Variants in DMD observed in about 807,000 individuals in gnomAD.
The protein encoded by DMD is dystrophin, also known as mutant dystrophin.
DMD carries 63 observed loss-of-function variants against 330.1 expected under a neutral mutation model. The ratio of observed to expected loss-of-function variants is 0.19; its 90% CI spans 0.16 to 0.24. The LOEUF is 0.24. Among genes scored for constraint, DMD ranks in the 10% least tolerant of loss-of-function variants. The pLI, the probability that DMD is intolerant of heterozygous loss-of-function variation, is 1.00. For missense variants in DMD, 3,344 were observed against 2,684.1 expected, an observed-to-expected ratio of 1.25 and a Z score of -5.43; for synonymous variants, 1,223 against 959.8, an observed-to-expected ratio of 1.27 and a Z score of -5.07.
chrX:32,117,941 G>C (rs2096618023), intron 44 of DMD, among the ~76,000 whole-genome samples: 1 of 110,956 alleles, frequency 9.0e-6, no homozygotes, highest in African/African-American at 3.3e-5. Flanking sequence ...AGGGCATGTG[G>C]AGCAACTGAG....
intron 17 of DMD, among the ~76,000 whole-genome samples, chrX:32,541,878 T>C (rs923249002): frequency 4.5e-5 from 5 of 111,540 alleles, no homozygotes; most frequent in African/African-American, 3.3e-5. Flanking sequence ...ATTTTTTCCA[T>C]ATTTGCTACT....
chrX:32,980,776 C>G (rs2092688659), intron 2 of DMD, among the ~76,000 whole-genome samples: 1 of 111,929 alleles, frequency 8.9e-6, no homozygotes, highest in African/African-American at 3.2e-5. Context: ...GGTTCGTAAT[C>G]AATTAAGCCG....
chrX:31,783,699 A>C (rs896792213), intron 50 of DMD, among the ~76,000 whole-genome samples: 18 of 110,860 alleles, frequency 1.6e-4, no homozygotes, highest in African/African-American at 5.6e-4. Context: ...ATATAGTCTA[A>C]ATATATATAT....
At chrX:32,114,238 A>G (rs2096600871) in intron 44 of DMD, among the ~76,000 whole-genome samples, 1 of 111,724 alleles carries the variant, frequency 9.0e-6, no homozygotes, top group Admixed American at 9.5e-5. Context: ...AACCTTGGGG[A>G]CCACATAATC....
intron 51 of DMD, among the ~76,000 whole-genome samples, chrX:31,736,358 A>G (rs1301552276): frequency 9.0e-6 from 1 of 111,407 alleles, no homozygotes; most frequent in Non-Finnish European, 1.9e-5. Context: ...AACAAAAGTC[A>G]CTATAGGAAA....
At chrX:32,325,644 C>A (rs1290750899) in intron 41 of DMD, among the ~76,000 whole-genome samples, 1 of 111,521 alleles carries the variant, frequency 9.0e-6, no homozygotes, top group African/African-American at 3.3e-5. Flanking sequence ...AGAGTCGTGG[C>A]AAAGACTAGT....
At chrX:33,139,694 T>C (rs772852657) in intron 1 of DMD, among the ~76,000 whole-genome samples, 2 of 109,367 alleles carry the variant, frequency 1.8e-5, no homozygotes, top group Non-Finnish European at 3.8e-5. Flanking sequence ...CCCCCTTCAT[T>C]TCCACCATGA....
In DMD at chrX:33,108,650, C is replaced by T. The variant is rs773589763; in HGVS notation, c.32-88450G>A. On this transcript the variant is annotated intron_variant, in intron 1 of 78. Transcript: ENST00000357033. ...CAGCCCTTTGTGAGGCCCAGGAGGGCGGATTACCTGAGGTCAGGAGTTTGA... is the reference window on the plus strand; with the variant it reads ...CAGCCCTTTGTGAGGCCCAGGAGGGTGGATTACCTGAGGTCAGGAGTTTGA... Among the ~76,000 whole-genome samples, 319 of 103,257 alleles carry T rather than the reference C, an allele frequency of 3.1e-3. 1 individual carries two copies. Among genetic ancestry groups the T allele is most frequent in the African/African-American group, 0.01 (302 of 29,074 alleles). The allele number at this position is 103,257 out of a possible 115,157, so 89.7% of individuals were successfully genotyped here.
At chrX:31,697,055 T>A (rs1023138486) in intron 52 of DMD, among the ~76,000 whole-genome samples, 2 of 112,242 alleles carry the variant, frequency 1.8e-5, no homozygotes, top group African/African-American at 6.5e-5. Context: ...CTGAAGATCA[T>A]CAGAGCGAAG....
intron 60 of DMD, among the ~76,000 whole-genome samples, chrX:31,375,295 C>A (rs192339054): frequency 2.0e-3 from 225 of 112,032 alleles, no homozygotes; most frequent in African/African-American, 6.7e-3. Context: ...ATAATTGCAA[C>A]TGCATGGTGA....
chrX:32,298,320 G>C (rs1046570518), intron 42 of DMD, among the ~76,000 whole-genome samples: 6 of 110,338 alleles, frequency 5.4e-5, no homozygotes, highest in Admixed American at 4.8e-4. Flanking sequence ...CTTAGGATTT[G>C]GTGGCCAATT....
At chrX:32,042,816 T>C (rs929595205) in intron 44 of DMD, among the ~76,000 whole-genome samples, 2 of 111,999 alleles carry the variant, frequency 1.8e-5, no homozygotes, top group Non-Finnish European at 3.8e-5. Context: ...GGATGTGTCA[T>C]AGTACATTCT....
chrX:32,554,694 G>A (rs1046707998), intron 16 of DMD, among the ~76,000 whole-genome samples: 1 of 105,785 alleles, frequency 9.5e-6, no homozygotes, highest in Non-Finnish European at 1.9e-5. Context: ...GCGGTACAAA[G>A]AAGAGCTGGT....
intron 50 of DMD, among the ~76,000 whole-genome samples, chrX:31,796,583 T>A (rs185464771): frequency 8.7e-4 from 98 of 112,361 alleles, no homozygotes; most frequent in Non-Finnish European, 1.1e-4. Context: ...GAACTAGAGA[T>A]AATCATTGGC....
intron 44 of DMD, among the ~76,000 whole-genome samples, chrX:32,121,620 CATATATATATATATATATATATAT>C (rs10535803): frequency 0.018 from 640 of 36,450 alleles, 27 homozygotes; most frequent in African/African-American, 0.055. Flanking sequence ...AATATGTGTG[CATATATATATATATATATATATAT>C]ATATATATAT....
chrX:32,886,924 G>C (rs933797978), intron 2 of DMD, among the ~76,000 whole-genome samples: 1 of 111,818 alleles, frequency 8.9e-6, no homozygotes, highest in Non-Finnish European at 1.9e-5. Flanking sequence ...TAAATAAATA[G>C]CAGAAAACCC....
At chrX:32,407,273 G>T (rs1379592129) in intron 30 of DMD, among the ~76,000 whole-genome samples, 14 of 110,984 alleles carry the variant, frequency 1.3e-4, no homozygotes, top group South Asian at 7.6e-4. Context: ...TCAAACAAAT[G>T]TACAAGAAAA....
intron 74 of DMD, among the ~76,000 whole-genome samples, chrX:31,168,437 G>T (rs1426373729): frequency 9.0e-6 from 1 of 111,134 alleles, no homozygotes. Flanking sequence ...AACCAGATAA[G>T]GAGCTATGGC....
At chrX:32,160,971 T>A (rs778324268) in intron 44 of DMD, among the ~76,000 whole-genome samples, 5 of 111,207 alleles carry the variant, frequency 4.5e-5, no homozygotes, top group Admixed American at 1.9e-4. Context: ...TTATGTGGAG[T>A]CTCTGTCTTT....
Sources: gnomAD v4.1 joint callset for allele counts (sites outside exome capture counted in the v4.1 genomes callset) on GRCh38, gnomAD v4.1.1 for gene constraint, MANE v1.5 for transcripts, NCBI Gene and HGNC (gene_info 2026-07-23, HGNC 2026-07-21) for gene names.